The following DLG2 variants were observed in gnomAD, a reference collection of about 807,000 sequenced individuals.
DLG2 encodes discs large MAGUK scaffold protein 2, also known as disks large homolog 2.
A neutral mutation model predicts 132.5 loss-of-function variants in DLG2; 45 were observed. The ratio of observed to expected loss-of-function variants is 0.34; its 90% CI spans 0.27 to 0.44. The LOEUF (loss-of-function observed/expected upper bound fraction) is 0.44. Among genes scored for constraint, DLG2 ranks in the 20% least tolerant of loss-of-function variants. The pLI, the probability that DLG2 is intolerant of heterozygous loss-of-function variation, is 1.00. For missense variants in DLG2, 1,045 were observed against 1,196.9 expected (o/e 0.87, Z 1.87); for synonymous variants, 424 against 419.6 (o/e 1.01, Z -0.13).
chr11:85,341,130 G>GTTTTA (rs991968904), intron 3 of DLG2, among the ~76,000 whole-genome samples: 2 of 151,686 alleles, frequency 1.3e-5, no homozygotes, highest in Non-Finnish European at 1.5e-5. Context: ...GTTTTGTTTT[G>GTTTTA]TTTTTTGAGA....
At chr11:85,242,306 G>A (rs2075923446) in intron 4 of DLG2, among the ~76,000 whole-genome samples, 1 of 150,970 alleles carries the variant, frequency 6.6e-6, no homozygotes, top group Admixed American at 6.6e-5. Context: ...TTTCCTCTTT[G>A]GAACTTTTTA....
chr11:83,562,515 T>C (rs1025080270), intron 19 of DLG2, among the ~76,000 whole-genome samples: 5 of 152,174 alleles, frequency 3.3e-5, no homozygotes, highest in African/African-American at 7.2e-5. Flanking sequence ...AACTCTGAGA[T>C]AGAAATACAA....
intron 19 of DLG2, among the ~76,000 whole-genome samples, chr11:83,572,374 A>G (rs1404468254): frequency 6.6e-6 from 1 of 152,164 alleles, no homozygotes; most frequent in Non-Finnish European, 1.5e-5. Context: ...ACATAATCTG[A>G]CCAGCTGTGT....
At chr11:85,479,933 G>C (rs998724940) in intron 3 of DLG2, among the ~76,000 whole-genome samples, 1 of 152,054 alleles carries the variant, frequency 6.6e-6, no homozygotes, top group Non-Finnish European at 1.5e-5. Flanking sequence ...CTGGATTGTG[G>C]CCCACCCTAA....
intron 21 of DLG2, among the ~76,000 whole-genome samples, chr11:83,496,205 A>G (rs954324623): frequency 2.7e-5 from 4 of 149,824 alleles, no homozygotes; most frequent in African/African-American, 9.8e-5. Context: ...TATATATATA[A>G]GTGATCAGAA....
chr11:85,325,016 C>G (rs1404754510), intron 3 of DLG2, among the ~76,000 whole-genome samples: 1 of 144,034 alleles, frequency 6.9e-6, no homozygotes, highest in Non-Finnish European at 1.5e-5. Flanking sequence ...GTGACGGACG[C>G]ACCTGGAAAA....
chr11:84,509,867 T>C (rs1314984406), intron 7 of DLG2, among the ~76,000 whole-genome samples: 1 of 151,782 alleles, frequency 6.6e-6, no homozygotes, highest in Non-Finnish European at 1.5e-5. Context: ...TTATATCTAA[T>C]CAGAAGGAGA....
intron 3 of DLG2, among the ~76,000 whole-genome samples, chr11:85,488,193 A>T (rs2093473999): frequency 2.0e-5 from 3 of 152,180 alleles, no homozygotes; most frequent in Non-Finnish European, 4.4e-5. Flanking sequence ...GTTTAAGACC[A>T]GTCTGGTGAA....
At chr11:84,631,263 T>TA (rs10715691) in intron 6 of DLG2, among the ~76,000 whole-genome samples, 2 of 151,400 alleles carry the variant, frequency 1.3e-5, no homozygotes, top group East Asian at 1.9e-4. Context: ...AATTAGCCCA[T>TA]AAAAAAAAAT....
chr11:84,113,977 AAG>A, intron 9 of DLG2, among the ~76,000 whole-genome samples: 1 of 152,240 alleles, frequency 6.6e-6, no homozygotes, highest in South Asian at 2.1e-4. Context: ...ATGTCCTATA[AAG>A]ATATGAGAAT....
At chr11:83,680,892 A>G (rs1245835073) in intron 18 of DLG2, among the ~76,000 whole-genome samples, 1 of 138,678 alleles carries the variant, frequency 7.2e-6, no homozygotes, top group African/African-American at 2.5e-5. Context: ...AAAAAAATGC[A>G]TACATTTTTT....
intron 6 of DLG2, among the ~76,000 whole-genome samples, chr11:85,076,357 G>T (rs1255980756): frequency 1.3e-5 from 2 of 151,926 alleles, no homozygotes; most frequent in African/African-American, 4.8e-5. Context: ...TAAAAAATGG[G>T]TACATGCTGG....
At chr11:84,692,134 G>A (rs565803740) in intron 6 of DLG2, among the ~76,000 whole-genome samples, 5 of 151,526 alleles carry the variant, frequency 3.3e-5, no homozygotes, top group South Asian at 2.1e-4. Context: ...ATGTGTAGGC[G>A]CGCGACAGAT....
chr11:83,802,678 T>C (rs1334007215), intron 17 of DLG2, among the ~76,000 whole-genome samples: 2 of 152,154 alleles, frequency 1.3e-5, no homozygotes, highest in Non-Finnish European at 2.9e-5. Context: ...TATGCAGTCA[T>C]TAAAAGCAAC....
intron 6 of DLG2, among the ~76,000 whole-genome samples, chr11:84,595,326 T>C (rs1262109843): frequency 6.6e-6 from 1 of 152,014 alleles, no homozygotes; most frequent in African/African-American, 2.4e-5. Context: ...TTGCCCAGGA[T>C]TGTCTCAAAC....
chr11:83,658,537 CA>C (rs1370903937), intron 18 of DLG2, among the ~76,000 whole-genome samples: 2 of 152,218 alleles, frequency 1.3e-5, no homozygotes, highest in Non-Finnish European at 2.9e-5. Flanking sequence ...ATTTGACTTT[CA>C]TTTTTTTATA....
chr11:84,568,377 C>T (rs966509266), intron 6 of DLG2, among the ~76,000 whole-genome samples: 78 of 152,092 alleles, frequency 5.1e-4, no homozygotes, highest in African/African-American at 3.4e-4. Flanking sequence ...GACATAGAGG[C>T]GTGCCTGTAA....
rs564349028 is a variant in DLG2 at position 84,218,366 on chromosome 11, AAGGGAGAAAGGG to A, written c.573+32860_573+32871del. On this transcript the variant is annotated intron_variant, in intron 8 of 27. Transcript: ENST00000376104. Reference sequence around the variant, plus strand: ...AAGGAAGGAAAGAGAGAGCGAGAGAAAGGGAGAAAGGGAGGGAGGGAGGGAGGGAGGGAGGAA... The same window carrying A: ...AAGGAAGGAAAGAGAGAGCGAGAGAAAGGGAGGGAGGGAGGGAGGGAGGAA... 7.5e-3 allele frequency among the ~76,000 whole-genome samples: 611 copies of A among 81,676 alleles called. 6 individuals carry two copies. Among genetic ancestry groups the A allele is most frequent in the African/African-American group, 0.029 (567 of 19,620 alleles). The allele number at this position is 81,676 out of a possible 152,430, so 53.6% of individuals were successfully genotyped here.
At chr11:83,863,981 C>T (rs1653881556) in intron 16 of DLG2, among the ~76,000 whole-genome samples, 1 of 152,150 alleles carries the variant, frequency 6.6e-6, no homozygotes, top group South Asian at 2.1e-4. Context: ...ATAATTAATG[C>T]TTGACCACAG....
Sources: gnomAD v4.1 joint callset for allele counts (sites outside exome capture counted in the v4.1 genomes callset) on GRCh38, gnomAD v4.1.1 for gene constraint, MANE v1.5 for transcripts, NCBI Gene and HGNC (gene_info 2026-07-23, HGNC 2026-07-21) for gene names.